Variants in PPARGC1B observed in about 807,000 individuals in gnomAD.
The protein encoded by PPARGC1B is peroxisome proliferator-activated receptor gamma coactivator 1-beta.
A neutral mutation model predicts 101.6 loss-of-function variants in PPARGC1B; 34 were observed. The observed-to-expected ratio is 0.33, with a 90% CI of 0.25 to 0.45. PPARGC1B has a LOEUF of 0.45. Ranked by LOEUF, PPARGC1B falls within the 20% of genes least tolerant of loss-of-function variation. PPARGC1B has a pLI of 1.00. For synonymous variants in PPARGC1B, 548 were observed against 539.3 expected (o/e 1.02, Z -0.22); for missense variants, 1,234 against 1,317.6 (o/e 0.94, Z 0.98).
At chr5:149,801,635 G>A (rs1205957791) in intron 1 of PPARGC1B, among the ~76,000 whole-genome samples, 2 of 148,344 alleles carry the variant, frequency 1.3e-5, no homozygotes, top group Non-Finnish European at 3.0e-5. Flanking sequence ...AGGAATCAGA[G>A]GGAGCCAGTG....
chr5:149,815,010 C>T (rs1437098337), intron 1 of PPARGC1B, among the ~76,000 whole-genome samples: 2 of 152,216 alleles, frequency 1.3e-5, no homozygotes, highest in African/African-American at 4.8e-5. Context: ...CCAACCCTTG[C>T]CTGAAGCTCC....
chr5:149,841,270 A>C (rs769076973), intron 9 of PPARGC1B, among the ~76,000 whole-genome samples: 1 of 152,102 alleles, frequency 6.6e-6, no homozygotes. Context: ...CCAAGCGAAG[A>C]CTCAGGGGGA....
At chr5:149,735,621 G>T (rs762354758) in intron 1 of PPARGC1B, among the ~76,000 whole-genome samples, 15 of 152,232 alleles carry the variant, frequency 9.9e-5, no homozygotes, top group Non-Finnish European at 2.1e-4. Context: ...TGTAGGTGCT[G>T]TTGCACAGCT....
chr5:149,745,152 C>T (rs1755042550), intron 1 of PPARGC1B, among the ~76,000 whole-genome samples: 1 of 152,138 alleles, frequency 6.6e-6, no homozygotes, highest in African/African-American at 2.4e-5. Flanking sequence ...CCTATTGCCT[C>T]GGCCTCCCAA....
intron 2 of PPARGC1B, among the ~76,000 whole-genome samples, chr5:149,822,621 A>C (rs1185325421): frequency 6.6e-6 from 1 of 152,200 alleles, no homozygotes; most frequent in African/African-American, 2.4e-5. Context: ...CCACTGAATG[A>C]ATCCTTCGAC....
At chr5:149,755,518 T>C (rs1755485074) in intron 1 of PPARGC1B, among the ~76,000 whole-genome samples, 1 of 152,138 alleles carries the variant, frequency 6.6e-6, no homozygotes, top group African/African-American at 2.4e-5. Flanking sequence ...ACTGTGGACT[T>C]AGCCTTTTTG....
chr5:149,815,221 AGT>A (rs1333003108), intron 1 of PPARGC1B, among the ~76,000 whole-genome samples: 2 of 152,198 alleles, frequency 1.3e-5, no homozygotes, highest in African/African-American at 4.8e-5. Flanking sequence ...CTAAACCCCC[AGT>A]GCCTCAGAAT....
rs142640674 is a variant in PPARGC1B, at chr5:149,833,512, G to A, written c.1439G>A (p.Arg480Gln). ...ESSVCPVRRS[R>Q]RLNPELGPWL... The stretch of plus-strand genomic sequence containing the variant: ...TCTGTGTGCCCCGTGCGGCGTTCTC[G>A]GAGACTGAACCCTGAGCTGGGCCCC... The change falls in exon 5 of 12, where the codon CGG becomes CAG. Residue 480 changes from arginine (R) to glutamine (Q), a missense_variant. Physicochemically the swap from Arg to Gln is conservative, Grantham distance 43. Coordinates refer to ENST00000309241, the MANE Select transcript of PPARGC1B (RefSeq NM_133263.4). This position sits in a 1 kb window ranked among gnomAD's most constrained non-coding sequence, Gnocchi z 4.1. 1,631 of 1,566,550 alleles carry A rather than the reference G, an allele frequency of 1.0e-3. 2 individuals carry two copies. Among genetic ancestry groups the A allele is most frequent in the Non-Finnish European group, 1.3e-3 (1,459 of 1,155,558 alleles).
intron 1 of PPARGC1B, among the ~76,000 whole-genome samples, chr5:149,745,721 C>G (rs763553577): frequency 2.6e-5 from 4 of 151,704 alleles, no homozygotes; most frequent in Non-Finnish European, 5.9e-5. Context: ...GAAGTATTCC[C>G]ATTTTACAGA....
At chr5:149,737,436 G>A (rs1754760201) in intron 1 of PPARGC1B, among the ~76,000 whole-genome samples, 1 of 152,120 alleles carries the variant, frequency 6.6e-6, no homozygotes, top group Non-Finnish European at 1.5e-5. Flanking sequence ...GCCCTTTTCT[G>A]TGTCTTCCTT....
chr5:149,845,013 C>A (rs1290656346), intron 10 of PPARGC1B, among the ~76,000 whole-genome samples: 1 of 152,184 alleles, frequency 6.6e-6, no homozygotes, highest in African/African-American at 2.4e-5. Context: ...GAGATGGATT[C>A]TTTGGGGTTC....
At chr5:149,749,699 A>G (rs1342986798) in intron 1 of PPARGC1B, among the ~76,000 whole-genome samples, 1 of 152,170 alleles carries the variant, frequency 6.6e-6, no homozygotes, top group Non-Finnish European at 1.5e-5. Flanking sequence ...AGAATATTGT[A>G]CCTGGAGTCT....
intron 1 of PPARGC1B, among the ~76,000 whole-genome samples, chr5:149,792,828 G>T (rs902906862): frequency 6.6e-6 from 1 of 152,006 alleles, no homozygotes; most frequent in Non-Finnish European, 1.5e-5. Context: ...TGCTGGCCTC[G>T]GTATAAATCC....
chr5:149,782,888 G>A (rs62382308), intron 1 of PPARGC1B, among the ~76,000 whole-genome samples: 17,266 of 152,236 alleles, frequency 0.11, 1,303 homozygotes, highest in Admixed American at 0.23. Context: ...CCCCCAGTGG[G>A]CCTCTGAGGG....
chr5:149,754,160 AGTTTTAATTC>A (rs1318862078), intron 1 of PPARGC1B, among the ~76,000 whole-genome samples: 2 of 152,216 alleles, frequency 1.3e-5, no homozygotes, highest in African/African-American at 4.8e-5. Flanking sequence ...GAGTCTCTGA[AGTTTTAATTC>A]ATAGTCCTTT....
intron 1 of PPARGC1B, among the ~76,000 whole-genome samples, chr5:149,732,075 T>TGTGC (rs1754510302): frequency 8.3e-6 from 1 of 121,102 alleles, no homozygotes; most frequent in African/African-American, 3.0e-5. Context: ...TGTGTGTGTG[T>TGTGC]GTGCACACGC....
rs141917873 is a variant in PPARGC1B at position 149,763,334 on chromosome 5, G to A, written c.78+32914G>A. Among the ~76,000 whole-genome samples, 728 of 152,308 alleles carry A rather than the reference G, an allele frequency of 4.8e-3. 5 individuals are homozygous for A. The highest frequency in any genetic ancestry group is 0.016 in the African/African-American group (685 of 41,566). On this transcript the variant is annotated intron_variant, in intron 1 of 11. Coordinates refer to ENST00000309241, the MANE Select transcript of PPARGC1B (RefSeq NM_133263.4). ...TGGAATGAAAGATGTTAAACGCTTG[G>A]TGTGTTTTTCTTTTCTTGTCATCAG...
intron 1 of PPARGC1B, among the ~76,000 whole-genome samples, chr5:149,746,978 C>G (rs938920712): frequency 2.6e-5 from 4 of 152,028 alleles, no homozygotes; most frequent in African/African-American, 4.8e-5. Flanking sequence ...ACATTTAGTT[C>G]TCTTTACATT....
chr5:149,778,786 AC>A (rs2113215606), intron 1 of PPARGC1B, among the ~76,000 whole-genome samples: 1 of 152,152 alleles, frequency 6.6e-6, no homozygotes, highest in South Asian at 2.1e-4. Context: ...CACAGATAAA[AC>A]CTGGCACTCA....
Sources: gnomAD v4.1 joint callset for allele counts (sites outside exome capture counted in the v4.1 genomes callset) on GRCh38, gnomAD v4.1.1 for gene constraint, Gnocchi (gnomAD v3.1) non-coding constraint, MANE v1.5 for transcripts, NCBI Gene and HGNC (gene_info 2026-07-23, HGNC 2026-07-21) for gene names.